DNAH8: variants seen among roughly 807,000 people sequenced by gnomAD.
The protein encoded by DNAH8 is dynein axonemal heavy chain 8, also known as axonemal beta dynein heavy chain 8.
Under a neutral mutation model 562.1 loss-of-function variants are expected in DNAH8, and 382 were observed. The ratio of observed to expected loss-of-function variants is 0.68; its 90% CI spans 0.63 to 0.74. DNAH8 has a LOEUF of 0.74. Among genes scored for constraint, DNAH8 ranks in the 30% least tolerant of loss-of-function variants. DNAH8 has a pLI of 0.00. For synonymous variants in DNAH8, 1,881 were observed against 1,919.4 expected (o/e 0.98, Z 0.52); for missense variants, 5,203 against 5,620.4 (o/e 0.93, Z 2.37).
chr6:38,853,412 C>T, intron 41 of DNAH8, 65 bp downstream of exon 41: 1 of 1,559,394 alleles, frequency 6.4e-7, no homozygotes, highest in South Asian at 1.2e-5. Context: ...GGATGCTTAG[C>T]AGGTGGTTGA....
intron 3 of DNAH8, among the ~76,000 whole-genome samples, 163 bp from the exon 4 acceptor site, chr6:38,729,739 C>A (rs1283133941): frequency 3.9e-5 from 6 of 152,116 alleles, no homozygotes; most frequent in African/African-American, 1.4e-4. Context: ...ATAATTCAAC[C>A]ATTACTATAT....
rs1007741043 is a variant in DNAH8, at chr6:38,896,041, C to T, written c.8756C>T (p.Thr2919Ile). 1.9e-6 allele frequency: 3 copies of T among 1,610,452 alleles called. No homozygotes were observed. Among genetic ancestry groups the T allele is most frequent in the Admixed American group, 1.7e-5 (1 of 59,274 alleles). ...CSRVIADRFI[T>I]PEDEQWFNAH... Reference sequence around the variant, plus strand: ...CTACATTTTCCTTTCAGATTTATAACTCCTGAAGATGAGCAGTGGTTTAAT... The same window carrying T: ...CTACATTTTCCTTTCAGATTTATAATTCCTGAAGATGAGCAGTGGTTTAAT... The change falls in exon 60 of 93, where the codon ACT becomes ATT. Residue 2919 changes from threonine to isoleucine, a missense_variant. Coordinates refer to ENST00000327475, the MANE Select transcript of DNAH8 (RefSeq NM_001206927.2).
chr6:38,872,981 A>G lies in DNAH8; in HGVS notation c.7313A>G (p.Asp2438Gly), dbSNP rs774066833. 6.2e-7 allele frequency: 1 copy of G among 1,614,178 alleles called. No homozygotes were observed. The highest frequency in any genetic ancestry group is 8.5e-7 in the Non-Finnish European group (1 of 1,180,010). ...WIENLNSVLD[D>G]NKTLTLANGD... ...GAGAACTTAAATTCCGTTTTGGATG[A>G]CAATAAAACTCTGACGTTAGCTAAT... The change falls in exon 51 of 93, where the codon GAC (aspartate) becomes GGC (glycine). Residue 2438 changes from aspartate to glycine, a missense_variant. Transcript: ENST00000327475.
At chr6:38,976,031 T>C (rs564886575) in intron 85 of DNAH8, among the ~76,000 whole-genome samples, 2 of 152,354 alleles carry the variant, frequency 1.3e-5, no homozygotes, top group South Asian at 4.1e-4. Flanking sequence ...CACATGTGTT[T>C]GGGTTAAAAC....
At chr6:38,735,907 G>A (rs115593607) in intron 5 of DNAH8, among the ~76,000 whole-genome samples, 7 of 152,242 alleles carry the variant, frequency 4.6e-5, no homozygotes, top group African/African-American at 1.4e-4. Flanking sequence ...GGAAGCAGAG[G>A]CAGGCAGATC....
At chr6:38,940,139 G>A (rs910425213) in intron 79 of DNAH8, among the ~76,000 whole-genome samples, 1 of 152,032 alleles carries the variant, frequency 6.6e-6, no homozygotes, top group African/African-American at 2.4e-5. Flanking sequence ...GGTGAACTTG[G>A]CACACGTGTA....
At chr6:39,018,178 T>C (rs1342740607) in intron 91 of DNAH8, among the ~76,000 whole-genome samples, 3 of 152,236 alleles carry the variant, frequency 2.0e-5, no homozygotes, top group Non-Finnish European at 4.4e-5. Context: ...TGACTTTCTG[T>C]GTGAGCAGCT....
At position 38,907,865 on chromosome 6, in the gene DNAH8, A is replaced by G. The variant is rs933938861; in HGVS notation, c.9349-91A>G. The G allele has an allele frequency of 2.0e-5, 22 of 1,097,342 alleles. No individual in the cohort carries two copies. In the African/African-American group the frequency reaches 3.4e-4, roughly 17 times the overall value. 68.0% of individuals were successfully genotyped at this position (1,097,342 alleles called of 1,614,324 possible). On this transcript the variant is annotated intron_variant, in intron 63 of 92. Transcript: ENST00000327475. Reference sequence around the variant, plus strand: ...GAAAGAAAATATGAAACAAGATGACATGCAAATTAAAAAAGGGACTGGACT... The same window carrying G: ...GAAAGAAAATATGAAACAAGATGACGTGCAAATTAAAAAAGGGACTGGACT...
intron 62 of DNAH8, among the ~76,000 whole-genome samples, chr6:38,901,869 C>T (rs754531226): frequency 1.4e-4 from 21 of 152,212 alleles, no homozygotes; most frequent in South Asian, 4.1e-4. Flanking sequence ...ATTTAAAAAT[C>T]GGGAGGTTTC....
chr6:38,822,650 C>A (rs1171122760), intron 26 of DNAH8, among the ~76,000 whole-genome samples, 188 bp from the exon 27 acceptor site: 2 of 151,964 alleles, frequency 1.3e-5, no homozygotes, highest in East Asian at 1.9e-4. Flanking sequence ...AAATCTGACA[C>A]CATAGTTTAA....
chr6:38,839,687 A>G (rs1169442109), intron 33 of DNAH8, among the ~76,000 whole-genome samples: 1 of 147,810 alleles, frequency 6.8e-6, no homozygotes, highest in Admixed American at 6.7e-5. Context: ...TTTGAGACGG[A>G]GTTTCACTCT....
rs1766250656 is a variant in DNAH8, at chr6:39,012,120, C to G, written c.13372-95C>G. ...TTCATTTGGGCTGGTAGAGATACAT[C>G]TAGAGGAAGAAAAAGAATTGAGAAA... On this transcript the variant is annotated intron_variant, in intron 89 of 92. Coordinates refer to ENST00000327475, the MANE Select transcript of DNAH8 (RefSeq NM_001206927.2). The G allele has an allele frequency of 7.7e-6, 7 of 911,260 alleles. No individual in the cohort carries two copies. The African/African-American group carries it at 1.2e-4, about 15-fold the overall frequency. The allele number at this position is 911,260 out of a possible 1,614,324, so 56.4% of individuals were successfully genotyped here. A position where few individuals can be genotyped will look rare whatever the true frequency, so the allele number is the denominator to read the frequency against.
chr6:38,981,583 A>G (rs532462404), intron 85 of DNAH8, among the ~76,000 whole-genome samples: 3 of 152,372 alleles, frequency 2.0e-5, no homozygotes, highest in African/African-American at 7.2e-5. Flanking sequence ...TGAAATGGCA[A>G]GATTGCAAAG....
At chr6:38,768,470 T>C (rs1767239436) in intron 11 of DNAH8, among the ~76,000 whole-genome samples, 1 of 152,082 alleles carries the variant, frequency 6.6e-6, no homozygotes, top group Admixed American at 6.6e-5. Context: ...TTTTGCTATG[T>C]TGCCCAGGTG....
intron 88 of DNAH8, among the ~76,000 whole-genome samples, chr6:38,997,861 G>A (rs958403730): frequency 1.3e-5 from 2 of 152,140 alleles, no homozygotes; most frequent in Non-Finnish European, 2.9e-5. Context: ...AGGCTCAAGC[G>A]GTTCTCATGT....
chr6:39,017,825 G>A (rs1258919779), intron 91 of DNAH8, among the ~76,000 whole-genome samples: 1 of 152,174 alleles, frequency 6.6e-6, no homozygotes, highest in Non-Finnish European at 1.5e-5. Flanking sequence ...TTTTGCCTGT[G>A]TGTGTGTTTT....
intron 10 of DNAH8, among the ~76,000 whole-genome samples, chr6:38,758,248 C>T (rs1766128651): frequency 6.6e-6 from 1 of 151,894 alleles, no homozygotes; most frequent in Admixed American, 6.6e-5. Context: ...CTTCACATCC[C>T]TTGTAAGTTG....
chr6:38,756,476 T>A (rs759921576), intron 10 of DNAH8, among the ~76,000 whole-genome samples: 20 of 152,156 alleles, frequency 1.3e-4, no homozygotes, highest in African/African-American at 2.4e-4. Context: ...AATAATTTTT[T>A]AAAAATGATT....
chr6:38,745,091 T>C (rs977153366), intron 8 of DNAH8, among the ~76,000 whole-genome samples: 4 of 152,314 alleles, frequency 2.6e-5, no homozygotes, highest in African/African-American at 9.6e-5. Flanking sequence ...TCAGTTCACG[T>C]GTCCCCCAGA....
Sources: allele counts gnomAD v4.1 joint callset (sites outside exome capture counted in the v4.1 genomes callset), GRCh38; gene constraint gnomAD v4.1.1; transcripts MANE v1.5; gene names NCBI Gene and HGNC (gene_info 2026-07-23, HGNC 2026-07-21).